C7orf78: variants seen among roughly 807,000 people sequenced by gnomAD.
C7orf78 encodes chromosome 7 open reading frame 78, also known as putative uncharacterized protein C7orf78.
chr7:12,521,116 G>A, the C7orf78 span, among the ~76,000 whole-genome samples: 1 of 152,028 alleles, frequency 6.6e-6, no homozygotes, highest in Non-Finnish European at 1.5e-5. Context: ...CTTTACAGGT[G>A]AAGTGAGGTT....
At chr7:12,503,463 TG>T in the C7orf78 span, among the ~76,000 whole-genome samples, 3 of 151,870 alleles carry the variant, frequency 2.0e-5, no homozygotes, top group Admixed American at 2.0e-4. Context: ...CAAAACAATA[TG>T]GGAAGGGGAA....
At chr7:12,539,886 T>C in the C7orf78 span, among the ~76,000 whole-genome samples, 2 of 152,170 alleles carry the variant, frequency 1.3e-5, no homozygotes, top group African/African-American at 2.4e-5. Flanking sequence ...AGGCTTCTCA[T>C]TGTTAGGATG....
At chr7:12,499,577 A>C in the C7orf78 span, among the ~76,000 whole-genome samples, 1 of 149,474 alleles carries the variant, frequency 6.7e-6, no homozygotes, top group African/African-American at 2.5e-5. Context: ...CAGATTCATA[A>C]AGCAAGTCCT....
chr7:12,494,452 G>A, the C7orf78 span, among the ~76,000 whole-genome samples: 1 of 152,198 alleles, frequency 6.6e-6, no homozygotes, highest in African/African-American at 2.4e-5. Context: ...AAATTTAAGA[G>A]GCTCCTTAGA....
the C7orf78 span, among the ~76,000 whole-genome samples, chr7:12,494,890 C>A: frequency 6.6e-6 from 1 of 152,290 alleles, no homozygotes; most frequent in Non-Finnish European, 1.5e-5. Context: ...AGGAATGCAA[C>A]TTCACACAGG....
At chr7:12,513,979 A>G in the C7orf78 span, among the ~76,000 whole-genome samples, 23 of 152,228 alleles carry the variant, frequency 1.5e-4, no homozygotes, top group East Asian at 7.7e-4. Context: ...CAGCCTGGGC[A>G]ACAGAGCGAG....
At chr7:12,518,064 G>T in the C7orf78 span, among the ~76,000 whole-genome samples, 3 of 152,082 alleles carry the variant, frequency 2.0e-5, no homozygotes, top group Admixed American at 6.6e-5. Context: ...TATGATGTTT[G>T]TTGGGGCCAT....
chr7:12,517,278 T>C, the C7orf78 span, among the ~76,000 whole-genome samples: 55 of 152,248 alleles, frequency 3.6e-4, no homozygotes, highest in African/African-American at 1.2e-3. Context: ...GCCACCGCCA[T>C]GTAAGAAGTG....
the C7orf78 span, among the ~76,000 whole-genome samples, chr7:12,500,511 T>C: frequency 6.7e-6 from 1 of 148,942 alleles, no homozygotes; most frequent in Non-Finnish European, 1.5e-5. Context: ...ACACATACAC[T>C]CTCCCAAGAC....
chr7:12,506,683 C>G, the C7orf78 span: 2 of 224,768 alleles, frequency 8.9e-6, no homozygotes, highest in Non-Finnish European at 1.8e-5. Context: ...GGAGAAATAC[C>G]TAATGTAAAT....
the C7orf78 span, among the ~76,000 whole-genome samples, chr7:12,521,375 T>C: frequency 6.6e-6 from 1 of 152,070 alleles, no homozygotes; most frequent in Non-Finnish European, 1.5e-5. Context: ...CTTTTTCATT[T>C]GTGTATCTAC....
the C7orf78 span, among the ~76,000 whole-genome samples, chr7:12,506,321 T>C: frequency 6.6e-6 from 1 of 152,160 alleles, no homozygotes; most frequent in African/African-American, 2.4e-5. Context: ...TAAATCATGC[T>C]ACTATAAAGA....
At chr7:12,496,382 T>C in the C7orf78 span, 1 of 152,246 alleles carries the variant, frequency 6.6e-6, no homozygotes, top group Admixed American at 6.5e-5. Context: ...ATTCCAAGAA[T>C]GCATTCATGA....
chr7:12,491,554 C>T, the C7orf78 span: 44,777 of 151,900 alleles, frequency 0.29, 7,424 homozygotes, highest in African/African-American at 0.45. Context: ...AGGTAGATTA[C>T]GCTAAAAATG....
the C7orf78 span, among the ~76,000 whole-genome samples, chr7:12,508,466 T>C: frequency 6.6e-6 from 1 of 152,164 alleles, no homozygotes; most frequent in African/African-American, 2.4e-5. Flanking sequence ...AACTAACCTA[T>C]TTGAAAACAT....
the C7orf78 span, among the ~76,000 whole-genome samples, chr7:12,507,907 C>G: frequency 6.6e-6 from 1 of 152,058 alleles, no homozygotes; most frequent in Non-Finnish European, 1.5e-5. Flanking sequence ...TTTACCAGAC[C>G]GTCTTTTCAG....
chr7:12,496,724 C>G, the C7orf78 span: 1 of 152,140 alleles, frequency 6.6e-6, no homozygotes, highest in Non-Finnish European at 1.5e-5. Context: ...CAACTAATAA[C>G]AGTGAACTAA....
the C7orf78 span, among the ~76,000 whole-genome samples, chr7:12,513,401 A>T: frequency 0.17 from 26,521 of 151,918 alleles, 2,649 homozygotes; most frequent in Admixed American, 0.3. Flanking sequence ...ACAAAGTTCC[A>T]GTCAAGTACT....
At chr7:12,508,435 T>C in the C7orf78 span, among the ~76,000 whole-genome samples, 1 of 152,140 alleles carries the variant, frequency 6.6e-6, no homozygotes, top group South Asian at 2.1e-4. Context: ...GTGGTAAATA[T>C]GAGAAAATGC....
Sources: allele counts gnomAD v4.1 joint callset (sites outside exome capture counted in the v4.1 genomes callset), GRCh38; gene constraint gnomAD v4.1.1; transcripts MANE v1.5; gene names NCBI Gene and HGNC (gene_info 2026-07-23, HGNC 2026-07-21).